Variants in XPA observed in about 807,000 individuals in gnomAD.
XPA encodes XPA, DNA damage recognition and repair factor.
In XPA, 27 loss-of-function variants were observed where a neutral mutation model predicts 35.7. That is an observed-to-expected ratio of 0.76 (90% CI 0.56 to 1.04). The LOEUF is 1.04. Among genes scored for constraint, XPA ranks in the 50% least tolerant of loss-of-function variants. XPA has a pLI of 0.00. For missense variants in XPA, 354 were observed against 342.7 expected, an observed-to-expected ratio of 1.03 and a Z score of -0.26; for synonymous variants, 133 against 118.4, an observed-to-expected ratio of 1.12 and a Z score of -0.80.
intron 5 of XPA, among the ~76,000 whole-genome samples, chr9:97,676,202 A>C (rs1828361171): frequency 6.6e-6 from 1 of 152,372 alleles, no homozygotes; most frequent in Middle Eastern, 3.4e-3. Context: ...AGAGCTGGAA[A>C]GAACCACAGA....
chr9:97,689,783 C>CA, intron 2 of XPA, 144 bp from the exon 3 acceptor site: 1 of 458,020 alleles, frequency 2.2e-6, no homozygotes, highest in African/African-American at 2.7e-5. Flanking sequence ...TTATGTTTAT[C>CA]TAAAAAAAAA....
intron 3 of XPA, among the ~76,000 whole-genome samples, chr9:97,688,965 T>C (rs1828801457): frequency 6.6e-6 from 1 of 151,894 alleles, no homozygotes; most frequent in African/African-American, 2.4e-5. Context: ...GAGTAAACAG[T>C]AGTGATAGGA....
intron 3 of XPA, among the ~76,000 whole-genome samples, chr9:97,687,538 G>C (rs1828759288): frequency 6.6e-6 from 1 of 152,150 alleles, no homozygotes; most frequent in Non-Finnish European, 1.5e-5. Context: ...TTTGCAAAGA[G>C]AGCTTACAGC....
chr9:97,657,922 ATATATTTT>A, the XPA span, among the ~76,000 whole-genome samples: 99 of 117,332 alleles, frequency 8.4e-4, no homozygotes, highest in Middle Eastern at 4.4e-3. Context: ...ATATATATAT[ATATATTTT>A]TTTTTTTTTT....
chr9:97,676,987 TGC>T (rs1828386390), intron 5 of XPA, among the ~76,000 whole-genome samples: 4 of 152,172 alleles, frequency 2.6e-5, no homozygotes, highest in Non-Finnish European at 5.9e-5. Flanking sequence ...AAAAATGATA[TGC>T]TAACCAGAAC....
intron 5 of XPA, among the ~76,000 whole-genome samples, chr9:97,677,194 A>G (rs1456875211): frequency 6.6e-6 from 1 of 152,200 alleles, no homozygotes; most frequent in Non-Finnish European, 1.5e-5. Flanking sequence ...TACCAAAGAA[A>G]AATTTTCTGA....
chr9:97,671,282 T>C, downstream of XPA: 2 of 976,434 alleles, frequency 2.0e-6, no homozygotes, highest in South Asian at 1.5e-5. Context: ...AATGCTTGCT[T>C]TCTTGTAGTA....
chr9:97,687,876 A>G (rs1828770673), intron 3 of XPA, among the ~76,000 whole-genome samples: 1 of 152,198 alleles, frequency 6.6e-6, no homozygotes, highest in Admixed American at 6.5e-5. Context: ...TAATACACAC[A>G]GGAGAGTGGA....
At chr9:97,683,424 A>G (rs1828606921) in intron 5 of XPA, among the ~76,000 whole-genome samples, 1 of 152,212 alleles carries the variant, frequency 6.6e-6, no homozygotes, top group Non-Finnish European at 1.5e-5. Flanking sequence ...ATGCTCTTAT[A>G]TGGCACAGCT....
chr9:97,659,968 A>G, the XPA span, among the ~76,000 whole-genome samples: 11 of 152,122 alleles, frequency 7.2e-5, no homozygotes, highest in Non-Finnish European at 1.0e-4. Flanking sequence ...CAGTCTGGAA[A>G]GCCCTTTCTA....
rs540364045 is a variant in XPA at position 97,677,652 on chromosome 9, C to T, written c.674-2065G>A. Among the ~76,000 whole-genome samples, 5 of 152,184 alleles carry T rather than the reference C, an allele frequency of 3.3e-5. No homozygotes were observed. In the South Asian group the frequency reaches 1.0e-3, roughly 32 times the overall value. On this transcript the variant is annotated intron_variant, in intron 5 of 5. Transcript: ENST00000375128. The stretch of plus-strand genomic sequence containing the variant: ...TTGAGCCTGCAGTGAGCCATGATTG[C>T]ACCACTGCACTCCAGCCTAGGTGAC...
At chr9:97,657,552 C>A in the XPA span, among the ~76,000 whole-genome samples, 2 of 152,134 alleles carry the variant, frequency 1.3e-5, no homozygotes, top group Non-Finnish European at 2.9e-5. Context: ...TCTACCTTAA[C>A]CTCACCATTT....
chr9:97,666,913 A>C, the XPA span: 1 of 1,370,744 alleles, frequency 7.3e-7, no homozygotes, highest in Non-Finnish European at 1.0e-6. Flanking sequence ...AGTTAAAGAA[A>C]ATATACCAGA....
At chr9:97,681,602 G>A (rs1352146247) in intron 5 of XPA, among the ~76,000 whole-genome samples, 1 of 152,088 alleles carries the variant, frequency 6.6e-6, no homozygotes, top group Non-Finnish European at 1.5e-5. Context: ...GAGAAAGCTG[G>A]TATAACTAAA....
At chr9:97,658,628 T>C in the XPA span, 1 of 1,576,296 alleles carries the variant, frequency 6.3e-7, no homozygotes, top group Non-Finnish European at 8.7e-7. Flanking sequence ...GAGGCTGTTA[T>C]TTGTATTGTA....
At chr9:97,663,170 A>T in the XPA span, 1 of 718,018 alleles carries the variant, frequency 1.4e-6, no homozygotes, top group South Asian at 1.7e-5. Flanking sequence ...AATGGTTTTT[A>T]GATCTAATTC....
downstream of XPA, chr9:97,672,559 G>GT (rs997255736): frequency 9.2e-5 from 14 of 152,258 alleles, no homozygotes; most frequent in African/African-American, 3.4e-4. Flanking sequence ...CGTTTATACT[G>GT]TTTATCTTTC....
chr9:97,656,155 G>C, the XPA span: 1 of 1,234,912 alleles, frequency 8.1e-7, no homozygotes, highest in South Asian at 1.3e-5. Flanking sequence ...CACTTGTGAT[G>C]TGTGTTCAGA....
At chr9:97,693,597 T>C (rs1443174459) in intron 2 of XPA, 52 bp downstream of exon 2, 2 of 1,463,496 alleles carry the variant, frequency 1.4e-6, no homozygotes, top group Non-Finnish European at 1.9e-6. Context: ...GAATTATGCA[T>C]GTTACTCAAA....
Sources: gnomAD v4.1 joint callset for allele counts (sites outside exome capture counted in the v4.1 genomes callset) on GRCh38, gnomAD v4.1.1 for gene constraint, MANE v1.5 for transcripts, NCBI Gene and HGNC (gene_info 2026-07-23, HGNC 2026-07-21) for gene names.